The following LIX1 variants were observed in gnomAD, a reference collection of about 807,000 sequenced individuals.
LIX1 encodes the protein protein limb expression 1 homolog.
In LIX1, 24 loss-of-function variants were observed where a neutral mutation model predicts 33.4. The observed-to-expected ratio is 0.72, with a 90% CI of 0.52 to 1.01. The LOEUF (loss-of-function observed/expected upper bound fraction) is 1.01. Ranked by LOEUF, LIX1 falls within the 50% of genes least tolerant of loss-of-function variation. The probability of loss-of-function intolerance (pLI) is 0.00; values close to 1 mark genes in which losing one functional copy is unlikely to be tolerated. For synonymous variants in LIX1, 124 were observed against 124.0 expected (o/e 1.00, Z 0.00); for missense variants, 311 against 339.2 (o/e 0.92, Z 0.65).
At position 97,094,761 on chromosome 5, in the gene LIX1, C is replaced by T; in HGVS notation, c.836G>A (p.Cys279Tyr). The T allele has an allele frequency of 1.2e-6, 2 of 1,613,772 alleles. No homozygotes were observed. The highest frequency in any genetic ancestry group is 1.7e-6 in the Non-Finnish European group (2 of 1,179,764). Residue 279 changes from cysteine to tyrosine, a missense_variant, in exon 6 of 6, where the codon TGT becomes TAT. Physicochemically the swap from Cys to Tyr is radical, Grantham distance 194. Transcript: ENST00000274382. ...GGCTTGGCCTTGCTAGTGATAGCCA[C>T]ACAGGGCCGTAAGGCTCAGCTGATC... ...SDDQLSLTALCGYH is the reference protein window; with the variant it reads ...SDDQLSLTALYGYH
chr5:97,113,187 A>T (rs1747501420), intron 2 of LIX1, among the ~76,000 whole-genome samples: 1 of 152,176 alleles, frequency 6.6e-6, no homozygotes, highest in Non-Finnish European at 1.5e-5. Flanking sequence ...CATCTGAGTG[A>T]GATGGGAAGC....
At chr5:97,118,289 C>T (rs1747688221) in intron 2 of LIX1, among the ~76,000 whole-genome samples, 1 of 152,178 alleles carries the variant, frequency 6.6e-6, no homozygotes, top group Non-Finnish European at 1.5e-5. Context: ...GTCATTCCAG[C>T]AGGCTATATG....
chr5:97,137,280 G>A, intron 1 of LIX1: 1 of 252,742 alleles, frequency 4.0e-6, no homozygotes, highest in Non-Finnish European at 8.0e-6. Flanking sequence ...GATCTCACAG[G>A]ATAGGTGTCT....
Position 97,094,498 on chromosome 5 carries a change from C to CAATTTTCAAACACAAAACACAAA in LIX1, c.*249_*250insTTTGTGTTTTGTGTTTGAAAATT. ...CCAGGCCTGGAAAATGTTTTTCAAACAATTTTGTGTCTATCCTTTCATCCT... is the reference window on the plus strand; with the variant it reads ...CCAGGCCTGGAAAATGTTTTTCAAACAATTTTCAAACACAAAACACAAAAATTTTGTGTCTATCCTTTCATCCT... On this transcript the variant is annotated 3_prime_UTR_variant, in exon 6 of 6. Transcript: ENST00000274382. 1 of 471,198 alleles carries CAATTTTCAAACACAAAACACAAA rather than the reference C, an allele frequency of 2.1e-6. No individual in the cohort carries two copies. Among genetic ancestry groups the CAATTTTCAAACACAAAACACAAA allele is most frequent in the East Asian group, 3.3e-5 (1 of 30,104 alleles). The allele number at this position is 471,198 out of a possible 1,614,324, so 29.2% of individuals were successfully genotyped here.
intron 1 of LIX1, among the ~76,000 whole-genome samples, chr5:97,139,838 A>T (rs1249595248): frequency 6.6e-6 from 1 of 152,272 alleles, no homozygotes; most frequent in Non-Finnish European, 1.5e-5. Flanking sequence ...AGAGAAAATA[A>T]AAAAAGAAAC....
At chr5:97,103,021 T>G in intron 4 of LIX1, 1 of 446,906 alleles carries the variant, frequency 2.2e-6, no homozygotes, top group South Asian at 1.6e-5. Context: ...ATTCCTATTT[T>G]ATAGATGAGA....
intron 1 of LIX1, among the ~76,000 whole-genome samples, chr5:97,135,749 G>A (rs912060202): frequency 6.6e-6 from 1 of 152,060 alleles, no homozygotes; most frequent in African/African-American, 2.4e-5. Context: ...AACCCAGGAG[G>A]CAGAGGTTAC....
chr5:97,111,198 C>T (rs908324581), intron 2 of LIX1, among the ~76,000 whole-genome samples: 4 of 152,136 alleles, frequency 2.6e-5, no homozygotes, highest in Admixed American at 1.3e-4. Flanking sequence ...TAGTTGTCTC[C>T]CGCCTCCTGT....
intron 4 of LIX1, among the ~76,000 whole-genome samples, chr5:97,099,679 A>G (rs1383027850): frequency 6.6e-6 from 1 of 152,120 alleles, no homozygotes. Flanking sequence ...TCTACTAAAA[A>G]TAAAAAAATT....
chr5:97,133,471 G>A (rs557470492), intron 1 of LIX1, among the ~76,000 whole-genome samples: 1 of 152,198 alleles, frequency 6.6e-6, no homozygotes, highest in Non-Finnish European at 1.5e-5. Context: ...AAAAGAGAGG[G>A]CATGAATATA....
At chr5:97,119,806 G>C (rs1465930944) in intron 2 of LIX1, among the ~76,000 whole-genome samples, 6 of 151,582 alleles carry the variant, frequency 4.0e-5, no homozygotes, top group Non-Finnish European at 7.4e-5. Context: ...CTATCATTTT[G>C]GGTCAAAATT....
chr5:97,104,995 C>A (rs760044746), intron 4 of LIX1, among the ~76,000 whole-genome samples, 195 bp downstream of exon 4: 2 of 152,118 alleles, frequency 1.3e-5, no homozygotes, highest in African/African-American at 4.8e-5. Flanking sequence ...TTCCTGATTG[C>A]GTGTTTGTTT....
intron 2 of LIX1, among the ~76,000 whole-genome samples, chr5:97,112,342 T>C (rs1747443543): frequency 6.6e-6 from 1 of 152,210 alleles, no homozygotes; most frequent in Non-Finnish European, 1.5e-5. Context: ...AAATAAAATA[T>C]GGTAAGTGAC....
chr5:97,110,207 T>C (rs1050978551), intron 2 of LIX1, among the ~76,000 whole-genome samples: 7 of 152,246 alleles, frequency 4.6e-5, no homozygotes, highest in Admixed American at 4.6e-4. Context: ...TAAGCCAGGC[T>C]CAGCACTTGG....
At chr5:97,097,977 C>T (rs1415406744) in intron 4 of LIX1, among the ~76,000 whole-genome samples, 2 of 152,234 alleles carry the variant, frequency 1.3e-5, no homozygotes, top group Non-Finnish European at 2.9e-5. Flanking sequence ...TCCTCTGTTT[C>T]TACCTTCTTC....
chr5:97,142,515 G>T lies in LIX1; in HGVS notation c.62C>A (p.Pro21Gln). The change falls in exon 1 of 6, where the codon CCG (proline) becomes CAG (glutamine). Residue 21 changes from proline to glutamine, a missense_variant. Coordinates refer to ENST00000274382, the MANE Select transcript of LIX1 (RefSeq NM_153234.5). ...CTTACAGTCTTTGAAGACTAGAGCC[G>T]GATCTCTGTGAGGCAAGACTTGGGC... Reference protein sequence around the residue: ...IIAQVLPHRDPALVFKDLNVV... With the variant: ...IIAQVLPHRDQALVFKDLNVV... The T allele has an allele frequency of 6.2e-7, 1 of 1,613,918 alleles. No individual in the cohort carries two copies. The highest frequency in any genetic ancestry group is 8.5e-7 in the Non-Finnish European group (1 of 1,179,808).
chr5:97,114,521 G>A (rs551311999), intron 2 of LIX1, among the ~76,000 whole-genome samples: 1 of 152,240 alleles, frequency 6.6e-6, no homozygotes, highest in South Asian at 2.1e-4. Flanking sequence ...CCGGGAGTTT[G>A]GACCAATAGT....
chr5:97,098,235 G>A (rs1487488932), intron 4 of LIX1, among the ~76,000 whole-genome samples: 1 of 152,124 alleles, frequency 6.6e-6, no homozygotes, highest in African/African-American at 2.4e-5. Flanking sequence ...AGACAATAAG[G>A]TTGTATTGAC....
At chr5:97,100,958 T>TGA (rs2112754322) in intron 4 of LIX1, among the ~76,000 whole-genome samples, 1 of 151,860 alleles carries the variant, frequency 6.6e-6, no homozygotes, top group Admixed American at 6.6e-5. Context: ...TGTTGTCTTT[T>TGA]CCTGTGAGGG....
Sources: allele counts gnomAD v4.1 joint callset (sites outside exome capture counted in the v4.1 genomes callset), GRCh38; gene constraint gnomAD v4.1.1; transcripts MANE v1.5; gene names NCBI Gene and HGNC (gene_info 2026-07-23, HGNC 2026-07-21).